The following USP15 variants were observed in gnomAD, a reference collection of about 807,000 sequenced individuals.
USP15 encodes the protein ubiquitin carboxyl-terminal hydrolase 15.
A neutral mutation model predicts 127.1 loss-of-function variants in USP15; 18 were observed. The ratio of observed to expected loss-of-function variants is 0.14; its 90% CI spans 0.10 to 0.21. The LOEUF is 0.21. Ranked by LOEUF, USP15 falls within the 10% of genes least tolerant of loss-of-function variation. The probability of loss-of-function intolerance (pLI) is 1.00; values close to 1 mark genes in which losing one functional copy is unlikely to be tolerated. For synonymous variants in USP15, 364 were observed against 393.7 expected, an observed-to-expected ratio of 0.92 and a Z score of 0.89; for missense variants, 805 against 1,159.9, an observed-to-expected ratio of 0.69 and a Z score of 4.44.
intron 20 of USP15, among the ~76,000 whole-genome samples, chr12:62,397,179 C>T (rs1592733580): frequency 6.6e-6 from 1 of 152,186 alleles, no homozygotes; most frequent in Non-Finnish European, 1.5e-5. Context: ...CAATTTCATT[C>T]ATAAGTGAAA....
intron 8 of USP15, among the ~76,000 whole-genome samples, chr12:62,377,603 C>G (rs1182473322): frequency 2.0e-5 from 3 of 151,954 alleles, no homozygotes; most frequent in Admixed American, 6.6e-5. Context: ...GCCTGTAATC[C>G]CAGCTACTTG....
At chr12:62,280,564 G>A (rs570457419) in intron 1 of USP15, among the ~76,000 whole-genome samples, 6 of 152,128 alleles carry the variant, frequency 3.9e-5, no homozygotes, top group Admixed American at 3.9e-4. Flanking sequence ...CTCTCTGGGA[G>A]CCTCTTTTAT....
intron 21 of USP15, among the ~76,000 whole-genome samples, chr12:62,402,426 A>T (rs2067721847): frequency 6.6e-6 from 1 of 152,068 alleles, no homozygotes; most frequent in Non-Finnish European, 1.5e-5. Context: ...TTAGAAAGGG[A>T]ACTTCTGTCT....
At chr12:62,402,064 G>A (rs984464166) in intron 21 of USP15, among the ~76,000 whole-genome samples, 4 of 151,352 alleles carry the variant, frequency 2.6e-5, no homozygotes, top group East Asian at 1.9e-4. Context: ...TTCTGCAAAA[G>A]AAAATCAATT....
intron 11 of USP15, among the ~76,000 whole-genome samples, chr12:62,385,477 T>C (rs2067118794): frequency 6.6e-6 from 1 of 152,024 alleles, no homozygotes; most frequent in Admixed American, 6.6e-5. Flanking sequence ...TAAAGTCTAG[T>C]AGATACTAGG....
intron 19 of USP15, chr12:62,393,466 T>C (rs557988557): frequency 8.4e-5 from 24 of 284,572 alleles, no homozygotes; most frequent in Non-Finnish European, 1.5e-4. Context: ...ATATTACCTA[T>C]GGGTTAATTG....
At chr12:62,351,910 C>T (rs868341274) in intron 7 of USP15, among the ~76,000 whole-genome samples, 2 of 151,328 alleles carry the variant, frequency 1.3e-5, no homozygotes, top group South Asian at 2.1e-4. Context: ...CTTTAAAAAA[C>T]TTGAATTCTA....
chr12:62,352,510 C>T (rs919883055), intron 7 of USP15, among the ~76,000 whole-genome samples: 4 of 151,870 alleles, frequency 2.6e-5, no homozygotes, highest in Admixed American at 6.6e-5. Context: ...ATATTTTTAA[C>T]GTGTTTATTG....
At chr12:62,380,874 G>A (rs1565900858) in intron 8 of USP15, among the ~76,000 whole-genome samples, 1 of 151,864 alleles carries the variant, frequency 6.6e-6, no homozygotes, top group Non-Finnish European at 1.5e-5. Flanking sequence ...TTTTTATTTT[G>A]CCATAAAGGA....
intron 1 of USP15, among the ~76,000 whole-genome samples, chr12:62,273,172 T>C (rs17126051): frequency 0.028 from 4,317 of 152,162 alleles, 92 homozygotes; most frequent in South Asian, 0.053. Flanking sequence ...CCTCATTCAG[T>C]TTAGATACTT....
intron 7 of USP15, 93 bp from the exon 8 acceptor site, chr12:62,355,238 A>G: frequency 9.0e-7 from 1 of 1,117,070 alleles, no homozygotes; most frequent in Non-Finnish European, 1.2e-6. Flanking sequence ...TGTAATGATC[A>G]ACCACATATC....
chr12:62,402,933 G>A (rs868609995), intron 21 of USP15, among the ~76,000 whole-genome samples: 1 of 151,992 alleles, frequency 6.6e-6, no homozygotes, highest in African/African-American at 2.4e-5. Flanking sequence ...AACAAGGGGA[G>A]AATGGATTTA....
intron 3 of USP15, among the ~76,000 whole-genome samples, chr12:62,308,081 G>A (rs962742583): frequency 5.3e-5 from 8 of 152,176 alleles, no homozygotes; most frequent in African/African-American, 1.9e-4. Context: ...AGTGAATATA[G>A]GGATTAGTGT....
chr12:62,408,904 A>G lies in USP15; in HGVS notation c.*4529A>G, dbSNP rs114607466. 1,072 of 152,230 alleles carry G rather than the reference A, an allele frequency of 7.0e-3. 10 individuals carry two copies. Among genetic ancestry groups the G allele is most frequent in the African/African-American group, 0.024 (979 of 41,570 alleles). The allele number at this position is 152,230 out of a possible 1,614,324, so 9.4% of individuals were successfully genotyped here. A position where few individuals can be genotyped will look rare whatever the true frequency, so the allele number is the denominator to read the frequency against. ...TTACTATATATTAAAAGAATTTCCA[A>G]ATAGCTCAGATAAGAAAACTTTGGT... On this transcript the variant is annotated 3_prime_UTR_variant, in exon 22 of 22. Coordinates refer to ENST00000280377, the MANE Select transcript of USP15 (RefSeq NM_001252078.2).
At chr12:62,374,910 A>G (rs576422431) in intron 8 of USP15, among the ~76,000 whole-genome samples, 1 of 152,228 alleles carries the variant, frequency 6.6e-6, no homozygotes, top group South Asian at 2.1e-4. Context: ...TTTGCATAAT[A>G]TTTCAGTTTT....
intron 8 of USP15, among the ~76,000 whole-genome samples, chr12:62,359,050 C>CT (rs1206883187): frequency 1.3e-5 from 2 of 151,570 alleles, no homozygotes; most frequent in African/African-American, 4.8e-5. Context: ...AGCATCAAAA[C>CT]TTTTTTTTAA....
Position 62,355,565 on chromosome 12 carries a change from GTA to G in USP15, c.915+94_915+95del, listed in dbSNP as rs1034782900. 8 of 1,376,322 alleles carry G rather than the reference GTA, an allele frequency of 5.8e-6. No individual in the cohort carries two copies. The African/African-American group carries it at 1.0e-4, about 17-fold the overall frequency. 85.3% of individuals were successfully genotyped at this position (1,376,322 alleles called of 1,614,324 possible). A position where few individuals can be genotyped will look rare whatever the true frequency, so the allele number is the denominator to read the frequency against. On this transcript the variant is annotated intron_variant, in intron 8 of 21. Coordinates refer to ENST00000280377, the MANE Select transcript of USP15 (RefSeq NM_001252078.2). ...TTGGGTTTTTCATGCCAGAACATGA[GTA>G]TATGTTTTGAAAGTTCATTTTTCAT...
At chr12:62,303,049 T>C in intron 3 of USP15, 129 bp downstream of exon 3, 2 of 1,025,028 alleles carry the variant, frequency 2.0e-6, no homozygotes, top group Non-Finnish European at 1.4e-6. Context: ...AACCGTACAC[T>C]GTGTTACAAT....
chr12:62,289,875 G>A lies in USP15; in HGVS notation c.90-4304G>A, dbSNP rs140691037. Among the ~76,000 whole-genome samples the A allele has an allele frequency of 3.2e-3, 491 of 151,988 alleles. 1 individual carries two copies. Among genetic ancestry groups the A allele is most frequent in the African/African-American group, 0.01 (426 of 41,448 alleles). On this transcript the variant is annotated intron_variant, in intron 1 of 21. Transcript: ENST00000280377. The stretch of plus-strand genomic sequence containing the variant: ...TAATTTTGTTGTTGACCCAAAGATC[G>A]TTCAGGAACATGTTGCTGAATTTCC...
Sources: gnomAD v4.1 joint callset for allele counts (sites outside exome capture counted in the v4.1 genomes callset) on GRCh38, gnomAD v4.1.1 for gene constraint, MANE v1.5 for transcripts, NCBI Gene and HGNC (gene_info 2026-07-23, HGNC 2026-07-21) for gene names.